NEK4: variants seen among roughly 807,000 people sequenced by gnomAD.
The protein encoded by NEK4 is serine/threonine-protein kinase Nek4.
Under a neutral mutation model 98.4 loss-of-function variants are expected in NEK4, and 86 were observed. The ratio of observed to expected loss-of-function variants is 0.87; its 90% CI spans 0.73 to 1.05. The LOEUF (loss-of-function observed/expected upper bound fraction) is 1.05. NEK4 is among the 50% of genes least tolerant of loss of function. The pLI is 0.00. For missense variants in NEK4, 898 were observed against 950.3 expected (o/e 0.94, Z 0.72); for synonymous variants, 328 against 342.2 (o/e 0.96, Z 0.46).
intron 14 of NEK4, among the ~76,000 whole-genome samples, chr3:52,738,866 C>T (rs569431575): frequency 6.6e-6 from 1 of 152,274 alleles, no homozygotes; most frequent in East Asian, 1.9e-4. Flanking sequence ...ACCTAAAAAA[C>T]ACCACAACTG....
intron 2 of NEK4, 56 bp downstream of exon 2, chr3:52,768,282 C>G: frequency 5.2e-6 from 8 of 1,527,160 alleles, no homozygotes; most frequent in Non-Finnish European, 6.2e-6. Flanking sequence ...TAAAATACAC[C>G]TGCCATCTTC....
chr3:52,754,469 G>C (rs1240063057), intron 6 of NEK4: 1 of 665,670 alleles, frequency 1.5e-6, no homozygotes, highest in East Asian at 3.5e-5. Context: ...GGTTGACAGT[G>C]TTAAGGTATG....
intron 15 of NEK4, among the ~76,000 whole-genome samples, chr3:52,730,635 CAG>C (rs1449596782): frequency 1.3e-5 from 2 of 152,248 alleles, no homozygotes; most frequent in East Asian, 3.9e-4. Context: ...GTCTTGATGT[CAG>C]AGTTGTGCTG....
intron 6 of NEK4, among the ~76,000 whole-genome samples, chr3:52,757,250 C>A (rs1408721946): frequency 6.6e-6 from 1 of 152,156 alleles, no homozygotes; most frequent in Admixed American, 6.6e-5. Flanking sequence ...TGGTTATATA[C>A]CCAACAAAAG....
At chr3:52,726,968 C>CTTTTT (rs35173917) in intron 15 of NEK4, among the ~76,000 whole-genome samples, 7 of 124,390 alleles carry the variant, frequency 5.6e-5, no homozygotes, top group African/African-American at 2.1e-4. Flanking sequence ...GCATCTAAAA[C>CTTTTT]TTTTTTTTTT....
In NEK4 at chr3:52,759,105, G is replaced by GA. The variant is rs201147041; in HGVS notation, c.963+1689dup. ...GATCCTCTCTTAAAAAAAGAAAAAA[G>GA]AAAAAAAAAAAAAAAGCCTGGGCAC... On this transcript the variant is annotated intron_variant, in intron 6 of 15. Transcript: ENST00000233027. Among the ~76,000 whole-genome samples the GA allele has an allele frequency of 6.9e-3, 774 of 112,532 alleles. 10 individuals are homozygous for GA. The highest frequency in any genetic ancestry group is 0.018 in the African/African-American group (500 of 27,248). 73.8% of individuals were successfully genotyped at this position (112,532 alleles called of 152,430 possible).
intron 12 of NEK4, among the ~76,000 whole-genome samples, chr3:52,742,489 T>C (rs894560757): frequency 6.6e-6 from 1 of 152,172 alleles, no homozygotes; most frequent in Admixed American, 6.5e-5. Flanking sequence ...AACTAAATGA[T>C]ATAGTTAAAG....
Position 52,765,887 on chromosome 3 carries a change from C to T in NEK4, c.666G>A (p.Lys222=). 6.4e-7 allele frequency: 1 copy of T among 1,561,326 alleles called. No homozygotes were observed. The highest frequency in any genetic ancestry group is 8.8e-7 in the Non-Finnish European group (1 of 1,133,084). The part of the protein sequence containing the change: ...NSLVYRIIEG[K]LPPMPRDYSP... ...CAATTAGTTCTAGATTATTCTTTAC[C>T]TTTCCTTCAATAATCCGATAAACTA... Residue 222 remains lysine (K), a splice_region_variant and synonymous_variant, in exon 4 of 16, where the codon AAG becomes AAA. Transcript: ENST00000233027.
chr3:52,711,768 G>C lies in NEK4; in HGVS notation c.*9C>G, dbSNP rs2097350604. The C allele has an allele frequency of 6.4e-7, 1 of 1,574,652 alleles. No individual in the cohort carries two copies. On this transcript the variant is annotated 3_prime_UTR_variant, in exon 16 of 16. Coordinates refer to ENST00000233027, the MANE Select transcript of NEK4 (RefSeq NM_003157.6). ...GTCTTTAATTCTGGCAGCAGATTAG[G>C]ACAAATGCTCAAAAATTCATGTTTT...
At chr3:52,764,329 G>C (rs920778091) in intron 4 of NEK4, among the ~76,000 whole-genome samples, 4 of 150,386 alleles carry the variant, frequency 2.7e-5, no homozygotes, top group Non-Finnish European at 4.4e-5. Context: ...CTAGGCAGCA[G>C]GTTAAAAAAT....
Position 52,708,516 on chromosome 3 carries a change from TAATTAA to T in NEK4, c.*3255_*3260del, listed in dbSNP as rs1296671661. ...TATGGTGCCACTAGACACGTCTATT[TAATTAA>T]AATTAAAATATAAAACTCTAAAACT... On this transcript the variant is annotated 3_prime_UTR_variant, in exon 16 of 16. Transcript: ENST00000233027. 1 of 152,220 alleles carries T rather than the reference TAATTAA, an allele frequency of 6.6e-6. No homozygotes were observed. Among genetic ancestry groups the T allele is most frequent in the African/African-American group, 2.4e-5 (1 of 41,454 alleles). The allele number at this position is 152,220 out of a possible 1,614,324, so 9.4% of individuals were successfully genotyped here.
chr3:52,768,933 T>C (rs1181813490), intron 1 of NEK4, among the ~76,000 whole-genome samples: 1 of 152,170 alleles, frequency 6.6e-6, no homozygotes, highest in Non-Finnish European at 1.5e-5. Context: ...AATTCCTTAA[T>C]ATCTGGCCAT....
chr3:52,753,400 C>T (rs2097409023), intron 6 of NEK4: 2 of 352,050 alleles, frequency 5.7e-6, no homozygotes. Context: ...AGGTGATAGG[C>T]AGCTGGGAAC....
chr3:52,762,741 C>G (rs958556486), intron 5 of NEK4, among the ~76,000 whole-genome samples: 2 of 152,134 alleles, frequency 1.3e-5, no homozygotes, highest in Admixed American at 6.5e-5. Context: ...ATTAGCCGGG[C>G]ACGGTGGCGG....
At chr3:52,767,437 C>T (rs757895619) in intron 2 of NEK4, among the ~76,000 whole-genome samples, 6 of 151,640 alleles carry the variant, frequency 4.0e-5, no homozygotes, top group African/African-American at 9.7e-5. Flanking sequence ...CTCAGCCGGG[C>T]GTGGTGGCTC....
chr3:52,766,098 T>A (rs1372492681), intron 3 of NEK4, 80 bp downstream of exon 3: 3 of 1,458,268 alleles, frequency 2.1e-6, no homozygotes, highest in Admixed American at 1.9e-5. Context: ...TCATAGATAA[T>A]TCTCTGACTT....
chr3:52,746,337 T>G, intron 9 of NEK4, 127 bp from the exon 10 acceptor site: 1 of 868,978 alleles, frequency 1.2e-6, no homozygotes. Flanking sequence ...TGCATTTTTT[T>G]GGAAAGACTC....
At chr3:52,762,554 C>G (rs975512120) in intron 5 of NEK4, among the ~76,000 whole-genome samples, 1 of 152,110 alleles carries the variant, frequency 6.6e-6, no homozygotes, top group South Asian at 2.1e-4. Flanking sequence ...TATTTGAAGA[C>G]TGGGAGAATA....
At chr3:52,715,799 A>T (rs1241727006) in intron 15 of NEK4, among the ~76,000 whole-genome samples, 2 of 152,258 alleles carry the variant, frequency 1.3e-5, no homozygotes, top group Non-Finnish European at 2.9e-5. Flanking sequence ...GGTGAGGCTA[A>T]AAGAACTGTA....
Sources: gnomAD v4.1 joint callset for allele counts (sites outside exome capture counted in the v4.1 genomes callset) on GRCh38, gnomAD v4.1.1 for gene constraint, MANE v1.5 for transcripts, NCBI Gene and HGNC (gene_info 2026-07-23, HGNC 2026-07-21) for gene names.